Variants in SHANK2 observed in about 807,000 individuals in gnomAD.
SHANK2 encodes SH3 and multiple ankyrin repeat domains 2.
Under a neutral mutation model 133.7 loss-of-function variants are expected in SHANK2, and 43 were observed. The observed-to-expected ratio is 0.32, with a 90% CI of 0.25 to 0.41. The LOEUF (loss-of-function observed/expected upper bound fraction) is 0.41. Among genes scored for constraint, SHANK2 ranks in the 10% least tolerant of loss-of-function variants. SHANK2 has a pLI of 1.00. For missense variants in SHANK2, 1,994 were observed against 2,235.8 expected (o/e 0.89, Z 2.18); for synonymous variants, 1,017 against 952.8 (o/e 1.07, Z -1.24).
rs980219134 is a variant in SHANK2, at chr11:70,472,565, G to C, written c.*304C>G. 4 of 438,740 alleles carry C rather than the reference G, an allele frequency of 9.1e-6. No homozygotes were observed. The highest frequency in any genetic ancestry group is 8.5e-6 in the Non-Finnish European group (2 of 236,288). The allele number at this position is 438,740 out of a possible 1,614,324, so 27.2% of individuals were successfully genotyped here. Reference sequence around the variant, plus strand: ...GTGCAAAATTGACGGGGAGCCTCTCGGACCCGGCAAAGCGAGGCCACCTGC... The same window carrying C: ...GTGCAAAATTGACGGGGAGCCTCTCCGACCCGGCAAAGCGAGGCCACCTGC... On this transcript the variant is annotated 3_prime_UTR_variant, in exon 26 of 26. Transcript: ENST00000601538. The surrounding 1 kb of genome is among the most constrained non-coding windows in gnomAD (Gnocchi z 4.4).
intron 17 of SHANK2, among the ~76,000 whole-genome samples, chr11:70,580,845 G>A (rs1186228419): frequency 7.2e-5 from 11 of 152,344 alleles, no homozygotes; most frequent in African/African-American, 2.6e-4. Context: ...AGTTTGGCTG[G>A]GGGGACCCTG....
rs71049962 is a variant in SHANK2 at position 71,210,210 on chromosome 11, GTATATATATATATATATA to G, written c.-13+14469_-13+14486del. On this transcript the variant is annotated intron_variant, in intron 2 of 25. Transcript: ENST00000601538. ...GGTCCTCTTCATTGGAAATCCACAG[GTATATATATATATATATA>G]TATATATATATATATATATATATAT... Among the ~76,000 whole-genome samples, 235 of 54,064 alleles carry G rather than the reference GTATATATATATATATATA, an allele frequency of 4.3e-3. 11 individuals carry two copies. Among genetic ancestry groups the G allele is most frequent in the African/African-American group, 0.01 (123 of 11,800 alleles). 35.5% of individuals were successfully genotyped at this position (54,064 alleles called of 152,430 possible).
At chr11:71,070,724 A>G (rs1396083170) in intron 9 of SHANK2, among the ~76,000 whole-genome samples, 4 of 152,276 alleles carry the variant, frequency 2.6e-5, no homozygotes, top group Non-Finnish European at 4.4e-5. Flanking sequence ...TCTGACTTAC[A>G]TACTGTCTAT....
intron 10 of SHANK2, chr11:70,911,067 C>G: frequency 2.2e-6 from 1 of 456,970 alleles, no homozygotes. Flanking sequence ...CGGCATTCAC[C>G]CCCAGACTTC....
chr11:70,806,496 G>T (rs1215190243), intron 13 of SHANK2, among the ~76,000 whole-genome samples: 2 of 152,194 alleles, frequency 1.3e-5, no homozygotes, highest in African/African-American at 4.8e-5. Context: ...TCTTGACCTG[G>T]TGTTGACAAT....
intron 14 of SHANK2, among the ~76,000 whole-genome samples, chr11:70,758,063 C>G (rs1946910954): frequency 6.6e-6 from 1 of 152,182 alleles, no homozygotes; most frequent in African/African-American, 2.4e-5. Flanking sequence ...GGGCTTGCAA[C>G]TTAGCTGACA....
intron 11 of SHANK2, among the ~76,000 whole-genome samples, chr11:70,871,347 C>T (rs144967477): frequency 1.3e-5 from 2 of 152,250 alleles, no homozygotes; most frequent in South Asian, 2.1e-4. Context: ...CCACCAGCCC[C>T]GAAGATCACT....
chr11:70,485,460 G>T lies in SHANK2; in HGVS notation c.4833C>A (p.Ile1611=). 6.2e-7 allele frequency: 1 copy of T among 1,613,990 alleles called. No individual in the cohort carries two copies. The highest frequency in any genetic ancestry group is 1.1e-5 in the South Asian group (1 of 91,080). The change falls in exon 25 of 26, where the codon ATC becomes ATA. Residue 1611 remains isoleucine (I), a synonymous_variant. Transcript: ENST00000601538. The surrounding 1 kb of genome is among the most constrained non-coding windows in gnomAD (Gnocchi z 5.8). ...TSKLWGDVTE[I]KSPILSGPKA... is the part of the protein sequence containing the mutation. ...TTGGGCCTGAGAGAATCGGGCTTTT[G>T]ATCTCTGTGACGTCGCCCCACAACT...
At chr11:70,888,125 C>T (rs916225729) in intron 11 of SHANK2, among the ~76,000 whole-genome samples, 3 of 152,034 alleles carry the variant, frequency 2.0e-5, no homozygotes, top group Non-Finnish European at 4.4e-5. Flanking sequence ...TGACACCACC[C>T]ACCCCCACCC....
chr11:70,790,394 A>C (rs1470773313), intron 14 of SHANK2, among the ~76,000 whole-genome samples: 7 of 152,236 alleles, frequency 4.6e-5, no homozygotes, highest in Non-Finnish European at 2.9e-5. Flanking sequence ...TATGCAGCCA[A>C]GCACTAGCCT....
At chr11:70,941,523 A>G (rs1950647906) in intron 10 of SHANK2, among the ~76,000 whole-genome samples, 1 of 152,186 alleles carries the variant, frequency 6.6e-6, no homozygotes, top group African/African-American at 2.4e-5. Flanking sequence ...TTCATATGTC[A>G]GAGCTCTAAT....
intron 17 of SHANK2, among the ~76,000 whole-genome samples, chr11:70,591,569 A>G (rs2060321838): frequency 6.6e-6 from 1 of 152,148 alleles, no homozygotes; most frequent in South Asian, 2.1e-4. Context: ...AAAAAAAGCA[A>G]CATCATAGCT....
intron 2 of SHANK2, among the ~76,000 whole-genome samples, chr11:71,170,377 T>C (rs1204973487): frequency 6.6e-6 from 1 of 152,236 alleles, no homozygotes; most frequent in Non-Finnish European, 1.5e-5. Flanking sequence ...ATGACATTTA[T>C]ATTTATCACT....
chr11:70,673,293 A>T (rs782598958), intron 15 of SHANK2, among the ~76,000 whole-genome samples: 22 of 98,966 alleles, frequency 2.2e-4, no homozygotes, highest in Non-Finnish European at 3.8e-4. Flanking sequence ...AATGTTCTTT[A>T]AAAAAAAAAA....
At chr11:70,788,456 C>T (rs1947717360) in intron 14 of SHANK2, among the ~76,000 whole-genome samples, 1 of 152,158 alleles carries the variant, frequency 6.6e-6, no homozygotes, top group African/African-American at 2.4e-5. Flanking sequence ...CCGTTCCGCC[C>T]GGGGGAAGTG....
At chr11:70,818,677 G>A (rs1948454394) in intron 12 of SHANK2, among the ~76,000 whole-genome samples, 1 of 152,226 alleles carries the variant, frequency 6.6e-6, no homozygotes, top group Non-Finnish European at 1.5e-5. Context: ...TAGACCAGAA[G>A]CAGCTGGACC....
At chr11:70,835,938 C>T (rs368811279) in intron 11 of SHANK2, among the ~76,000 whole-genome samples, 6 of 152,208 alleles carry the variant, frequency 3.9e-5, no homozygotes, top group African/African-American at 1.4e-4. Flanking sequence ...GGGGAGTGGG[C>T]ACCCCGAGCC....
chr11:70,475,238 T>A (rs2058647818), intron 25 of SHANK2: 1 of 152,136 alleles, frequency 6.6e-6, no homozygotes, highest in South Asian at 2.1e-4. Context: ...ACTCCTGAGC[T>A]CGTCTCAAAC....
intron 17 of SHANK2, among the ~76,000 whole-genome samples, chr11:70,653,004 G>A (rs976222496): frequency 2.6e-5 from 4 of 151,834 alleles, no homozygotes; most frequent in African/African-American, 4.8e-5. Context: ...ATGGAGTCTC[G>A]CTCTGTCACC....
Sources: gnomAD v4.1 joint callset for allele counts (sites outside exome capture counted in the v4.1 genomes callset) on GRCh38, gnomAD v4.1.1 for gene constraint, Gnocchi (gnomAD v3.1) non-coding constraint, MANE v1.5 for transcripts, NCBI Gene and HGNC (gene_info 2026-07-23, HGNC 2026-07-21) for gene names.